RIF1: variants seen among roughly 807,000 people sequenced by gnomAD.
The protein encoded by RIF1 is replication timing regulatory factor 1, also known as telomere-associated protein RIF1.
RIF1 carries 45 observed loss-of-function variants against 247.1 expected under a neutral mutation model. The ratio of observed to expected loss-of-function variants is 0.18; its 90% CI spans 0.14 to 0.23. RIF1 has a LOEUF of 0.23. RIF1 is among the 10% of genes least tolerant of loss of function. RIF1 has a pLI of 1.00. For synonymous variants in RIF1, 1,087 were observed against 978.8 expected (o/e 1.11, Z -2.06); for missense variants, 2,967 against 2,862.5 (o/e 1.04, Z -0.83).
chr2:151,533,694 A>G, the RIF1 span: 1 of 587,810 alleles, frequency 1.7e-6, no homozygotes, highest in Non-Finnish European at 3.0e-6. Flanking sequence ...CATCAAATAC[A>G]TTATAATGTG....
the RIF1 span, chr2:151,518,828 GA>G: frequency 3.2e-6 from 2 of 624,174 alleles, no homozygotes; most frequent in Non-Finnish European, 5.7e-6. Context: ...TCATTTGGAA[GA>G]ATACACTCAA....
At chr2:151,453,646 A>AT in intron 21 of RIF1, among the ~76,000 whole-genome samples, 1 of 151,090 alleles carries the variant, frequency 6.6e-6, no homozygotes. Flanking sequence ...GGATTACCAT[A>AT]TTGCTTTAAG....
At chr2:151,492,451 G>A (rs1373392560) in intron 9 of RIF1, 1 of 1,613,044 alleles carries the variant, frequency 6.2e-7, no homozygotes, top group Admixed American at 1.7e-5. Context: ...TACATAGGCA[G>A]CTTTGCCTTG....
intron 34 of RIF1, among the ~76,000 whole-genome samples, chr2:151,472,697 A>G (rs936537121): frequency 2.0e-5 from 3 of 152,224 alleles, no homozygotes; most frequent in African/African-American, 7.2e-5. Flanking sequence ...ATGTTGAACC[A>G]GCCTTGCATC....
the RIF1 span, chr2:151,520,055 T>C: frequency 2.0e-5 from 4 of 199,170 alleles, no homozygotes; most frequent in Admixed American, 2.4e-4. Context: ...AAAAAAAAAA[T>C]GGAAAAGGCT....
In RIF1 at chr2:151,481,113, T is replaced by C. The variant is rs1457666989; in HGVS notation, c.*6042T>C. ...GAGTTTAGTAGTATAGCAGAGTCTG[T>C]ATGGCTTCCAACAGTCAAAATACTG... On this transcript the variant is annotated 3_prime_UTR_variant, in exon 36 of 36. Transcript: ENST00000444746. 4.6e-5 allele frequency: 7 copies of C among 152,222 alleles called. No homozygotes were observed. The highest frequency in any genetic ancestry group is 1.7e-4 in the African/African-American group (7 of 41,462). 9.4% of individuals were successfully genotyped at this position (152,222 alleles called of 1,614,324 possible).
At position 151,501,422 on chromosome 2, in the gene RIF1, C is replaced by T. The variant is rs531666957; in HGVS notation, c.*710-1612C>T. ...AAAGTTTTCTTGATTGAGTTTGACT[C>T]GCTCCATCTCAGGAGTGACAGGTAG... On this transcript the variant is annotated intron_variant and NMD_transcript_variant, in intron 11 of 13. Coordinates refer to the RIF1 transcript ENST00000454583. 14 of 1,549,010 alleles carry T rather than the reference C, an allele frequency of 9.0e-6. No homozygotes were observed. The African/African-American group carries it at 9.6e-5, about 11-fold the overall frequency.
At position 151,476,760 on chromosome 2, in the gene RIF1, T is replaced by G. The variant is rs2048948810; in HGVS notation, c.*1689T>G. On this transcript the variant is annotated 3_prime_UTR_variant, in exon 36 of 36. Transcript: ENST00000444746. ...GGAATTATAATTATGATTTACATTT[T>G]ACATCATTAATTTCCCAAATTATAT... 1 of 152,238 alleles carries G rather than the reference T, an allele frequency of 6.6e-6. No homozygotes were observed. The highest frequency in any genetic ancestry group is 1.5e-5 in the Non-Finnish European group (1 of 68,044). 9.4% of individuals were successfully genotyped at this position (152,238 alleles called of 1,614,324 possible).
Position 151,464,184 on chromosome 2 carries a change from A to T in RIF1, c.4664A>T (p.Asp1555Val), listed in dbSNP as rs762457649. ...TCCAGCATTGAAAACTCAGAATCTG[A>T]TAGTTCGGAGGCAAAAGAAGAAGGT... Reference protein sequence around the residue: ...LLSSIENSESDSSEAKEEGSR... With the variant: ...LLSSIENSESVSSEAKEEGSR... Residue 1555 changes from aspartate to valine, a missense_variant, in exon 30 of 36, where the codon GAT (aspartate) becomes GTT (valine). Physicochemically the swap from Asp to Val is radical, Grantham distance 152. Coordinates refer to ENST00000444746, the MANE Select transcript of RIF1 (RefSeq NM_018151.5). 5 of 1,611,114 alleles carry T rather than the reference A, an allele frequency of 3.1e-6. No individual in the cohort carries two copies. In the South Asian group the frequency reaches 5.5e-5, roughly 18 times the overall value.
chr2:151,524,320 C>G, the RIF1 span: 2 of 1,613,780 alleles, frequency 1.2e-6, no homozygotes. Flanking sequence ...CCTGGCTGCT[C>G]AGCTTGGCTG....
chr2:151,499,409 C>A (rs1489710120), exon 11 of RIF1: 1 of 1,439,084 alleles, frequency 6.9e-7, no homozygotes, highest in East Asian at 2.5e-5. Flanking sequence ...CACAAGAAAG[C>A]ATCCAGAAAA....
the RIF1 span, chr2:151,518,193 A>C: frequency 1.3e-6 from 1 of 744,556 alleles, no homozygotes; most frequent in Non-Finnish European, 2.4e-6. Flanking sequence ...AAAAGTTACC[A>C]GATTCAAAAC....
chr2:151,437,138 T>C (rs1691376806), intron 12 of RIF1, 103 bp from the exon 13 acceptor site: 1 of 1,221,930 alleles, frequency 8.2e-7, no homozygotes, highest in South Asian at 1.5e-5. Flanking sequence ...CTTTTTTTTA[T>C]AGAAAACACA....
At chr2:151,434,088 A>C (rs1450836740) in intron 10 of RIF1, among the ~76,000 whole-genome samples, 3 of 151,392 alleles carry the variant, frequency 2.0e-5, no homozygotes, top group Non-Finnish European at 4.4e-5. Context: ...GAATTGCTTG[A>C]ACCCAGGAGA....
chr2:151,503,046 A>G, exon 12 of RIF1: 2 of 595,262 alleles, frequency 3.4e-6, no homozygotes, highest in South Asian at 4.5e-5. Context: ...TTAATGATGA[A>G]CTCTACAATG....
chr2:151,463,424 T>G lies in RIF1; in HGVS notation c.3904T>G (p.Ser1302Ala). The G allele has an allele frequency of 6.2e-7, 1 of 1,613,894 alleles. No homozygotes were observed. Among genetic ancestry groups the G allele is most frequent in the South Asian group, 1.1e-5 (1 of 91,042 alleles). The stretch of plus-strand genomic sequence containing the variant: ...AGCTGAACAAACAGGGAATAAAAGG[T>G]CTAAGCCCTTAATGAGATCTGAGCC... ...GKAEQTGNKRSKPLMRSEPEK... is the reference protein window; with the variant it reads ...GKAEQTGNKRAKPLMRSEPEK... The change falls in exon 30 of 36, where the codon TCT becomes GCT. Residue 1302 changes from serine to alanine, a missense_variant. Physicochemically the swap from Ser to Ala is moderately conservative, Grantham distance 99. Transcript: ENST00000444746.
intron 28 of RIF1, 26 bp from the exon 29 acceptor site, chr2:151,462,386 A>C (rs1364951318): frequency 6.8e-7 from 1 of 1,472,584 alleles, no homozygotes; most frequent in Non-Finnish European, 9.2e-7. Context: ...TTATAAAAAT[A>C]ATATTCTTAC....
intron 26 of RIF1, among the ~76,000 whole-genome samples, 161 bp from the exon 27 acceptor site, chr2:151,460,977 A>C (rs542736160): frequency 3.3e-5 from 5 of 152,360 alleles, no homozygotes; most frequent in South Asian, 4.1e-4. Context: ...AGGCAGAAAG[A>C]AAGTGGGGAA....
intron 18 of RIF1, 114 bp downstream of exon 18, chr2:151,443,823 T>G (rs1425933485): frequency 1.7e-6 from 1 of 598,734 alleles, no homozygotes; most frequent in Non-Finnish European, 2.7e-6. Flanking sequence ...ATATTTTTTC[T>G]GGTGGAATTG....
Sources: allele counts gnomAD v4.1 joint callset (sites outside exome capture counted in the v4.1 genomes callset), GRCh38; gene constraint gnomAD v4.1.1; transcripts MANE v1.5; gene names NCBI Gene and HGNC (gene_info 2026-07-23, HGNC 2026-07-21).